The following STAG1 variants were observed in gnomAD, a reference collection of about 807,000 sequenced individuals.
STAG1 encodes the protein cohesin subunit SA-1.
Under a neutral mutation model 170.9 loss-of-function variants are expected in STAG1, and 26 were observed. That is an observed-to-expected ratio of 0.15 (90% CI 0.11 to 0.21). STAG1 has a LOEUF of 0.21. Ranked by LOEUF, STAG1 falls within the 10% of genes least tolerant of loss-of-function variation. The pLI, the probability that STAG1 is intolerant of heterozygous loss-of-function variation, is 1.00. For missense variants in STAG1, 964 were observed against 1,509.5 expected, an observed-to-expected ratio of 0.64 and a Z score of 5.99; for synonymous variants, 514 against 497.7, an observed-to-expected ratio of 1.03 and a Z score of -0.44.
At chr3:136,466,253 G>GA (rs1261050935) in intron 12 of STAG1, among the ~76,000 whole-genome samples, 1 of 151,974 alleles carries the variant, frequency 6.6e-6, no homozygotes, top group Non-Finnish European at 1.5e-5. Context: ...TAAAAACCTT[G>GA]AAAAAAGACT....
Position 136,660,836 on chromosome 3 carries a change from G to A in STAG1, c.-83-29855C>T, listed in dbSNP as rs151066350. 2.8e-3 allele frequency among the ~76,000 whole-genome samples: 423 copies of A among 152,174 alleles called. 1 individual carries two copies. Among genetic ancestry groups the A allele is most frequent in the Admixed American group, 4.7e-3 (72 of 15,278 alleles). On this transcript the variant is annotated intron_variant, in intron 1 of 33. Transcript: ENST00000383202. ...AATAAAAAATTAGCCAGGTATAGTG[G>A]TACACGCCTGTAGTCCCAGCTACTC...
intron 1 of STAG1, among the ~76,000 whole-genome samples, chr3:136,703,346 G>C (rs1413084711): frequency 6.6e-6 from 1 of 152,156 alleles, no homozygotes; most frequent in Non-Finnish European, 1.5e-5. Flanking sequence ...CACTTATCAG[G>C]ACAGCAGCCC....
intron 1 of STAG1, among the ~76,000 whole-genome samples, chr3:136,672,564 A>G (rs1340655262): frequency 1.3e-5 from 2 of 152,212 alleles, no homozygotes; most frequent in Admixed American, 1.3e-4. Flanking sequence ...ATTTCCATTA[A>G]AAGTTTACCA....
intron 17 of STAG1, 38 bp from the exon 18 acceptor site, chr3:136,422,895 T>A: frequency 6.3e-7 from 1 of 1,592,592 alleles, no homozygotes; most frequent in Non-Finnish European, 8.6e-7. Context: ...GTAACTACTT[T>A]AATAGTACAA....
chr3:136,442,986 G>T (rs1217008969), intron 15 of STAG1, among the ~76,000 whole-genome samples: 2 of 152,178 alleles, frequency 1.3e-5, no homozygotes, highest in Non-Finnish European at 2.9e-5. Context: ...TCCAGCCTGG[G>T]TGACAGAGCA....
At chr3:136,541,538 TCACACACACACACACACACACACACACA>T (rs59155124) in intron 6 of STAG1, among the ~76,000 whole-genome samples, 4 of 123,122 alleles carry the variant, frequency 3.2e-5, no homozygotes, top group Non-Finnish European at 3.5e-5. Flanking sequence ...AGCTTAACAT[TCACACACACACACACACACACACACACA>T]CACACACACA....
intron 4 of STAG1, among the ~76,000 whole-genome samples, chr3:136,603,785 G>C (rs1189663657): frequency 6.6e-6 from 1 of 152,086 alleles, no homozygotes; most frequent in African/African-American, 2.4e-5. Context: ...TACTCGGGAG[G>C]CTGAGGCAGG....
At chr3:136,347,093 A>G (rs1283336329) in intron 29 of STAG1, among the ~76,000 whole-genome samples, 2 of 150,284 alleles carry the variant, frequency 1.3e-5, no homozygotes, top group Non-Finnish European at 3.0e-5. Flanking sequence ...AAAAAAAAAA[A>G]AAAGAAAAGA....
intron 25 of STAG1, among the ~76,000 whole-genome samples, chr3:136,364,025 G>T (rs1936979967): frequency 6.6e-6 from 1 of 152,148 alleles, no homozygotes. Context: ...CTCCCAAAAT[G>T]CTGGGATTAC....
intron 1 of STAG1, among the ~76,000 whole-genome samples, chr3:136,733,671 A>C (rs1211877046): frequency 6.6e-6 from 1 of 152,234 alleles, no homozygotes; most frequent in Non-Finnish European, 1.5e-5. Context: ...TCATCTGTGA[A>C]CACATGAGAT....
chr3:136,726,300 T>C (rs553798708), intron 1 of STAG1, among the ~76,000 whole-genome samples: 2 of 152,256 alleles, frequency 1.3e-5, no homozygotes, highest in Admixed American at 6.5e-5. Flanking sequence ...CCATAATCCC[T>C]AGGTTTCTAT....
At chr3:136,364,244 G>A (rs1478095289) in intron 25 of STAG1, among the ~76,000 whole-genome samples, 7 of 150,406 alleles carry the variant, frequency 4.7e-5, no homozygotes, top group African/African-American at 1.2e-4. Context: ...CACCATGATC[G>A]GGTAATTTTT....
intron 12 of STAG1, 36 bp from the exon 13 acceptor site, chr3:136,465,024 A>C: frequency 6.8e-7 from 1 of 1,476,652 alleles, no homozygotes; most frequent in South Asian, 1.3e-5. Flanking sequence ...GATCTAAAGC[A>C]AATGTTTATT....
chr3:136,578,198 A>G (rs1027411369), intron 4 of STAG1, among the ~76,000 whole-genome samples: 4 of 152,186 alleles, frequency 2.6e-5, no homozygotes, highest in East Asian at 1.9e-4. Context: ...AGAGATTTCT[A>G]TGGAGATGAT....
intron 9 of STAG1, among the ~76,000 whole-genome samples, chr3:136,477,971 G>C (rs990157863): frequency 2.0e-5 from 3 of 151,984 alleles, no homozygotes; most frequent in African/African-American, 2.4e-5. Flanking sequence ...TGTATTTTTA[G>C]TAGAGATGGG....
chr3:136,472,406 T>C lies in STAG1; in HGVS notation c.1205+7A>G, dbSNP rs753070783. ...ATAAAGTTAAAATAGTAATGGATAT[T>C]ACTTACTGAAGTATCAGAGTAACCA... On this transcript the variant is annotated splice_region_variant and intron_variant, in intron 12 of 33. Coordinates refer to ENST00000383202, the MANE Select transcript of STAG1 (RefSeq NM_005862.3). The C allele has an allele frequency of 2.5e-6, 4 of 1,599,150 alleles. No individual in the cohort carries two copies. The South Asian group carries it at 4.4e-5, about 18-fold the overall frequency.
At chr3:136,714,715 G>A (rs954977219) in intron 1 of STAG1, among the ~76,000 whole-genome samples, 5 of 151,178 alleles carry the variant, frequency 3.3e-5, no homozygotes, top group East Asian at 1.9e-4. Flanking sequence ...GTGACACAGC[G>A]AGACTCCGTC....
chr3:136,703,506 T>C (rs1262386586), intron 1 of STAG1, among the ~76,000 whole-genome samples: 2 of 152,206 alleles, frequency 1.3e-5, no homozygotes, highest in African/African-American at 4.8e-5. Context: ...TAAAGTGATT[T>C]ATTGAGCGGC....
At chr3:136,525,676 A>C (rs542063080) in intron 6 of STAG1, among the ~76,000 whole-genome samples, 2 of 152,116 alleles carry the variant, frequency 1.3e-5, no homozygotes, top group Admixed American at 1.3e-4. Context: ...TGGTTCTTTC[A>C]ATTGTGATGT....
Sources: gnomAD v4.1 joint callset for allele counts (sites outside exome capture counted in the v4.1 genomes callset) on GRCh38, gnomAD v4.1.1 for gene constraint, MANE v1.5 for transcripts, NCBI Gene and HGNC (gene_info 2026-07-23, HGNC 2026-07-21) for gene names.